The following CWC27 variants were observed in gnomAD, a reference collection of about 807,000 sequenced individuals.
The protein encoded by CWC27 is CWC27 spliceosome associated cyclophilin.
Under a neutral mutation model 63.6 loss-of-function variants are expected in CWC27, and 47 were observed. The observed-to-expected ratio is 0.74, with a 90% confidence interval of 0.58 to 0.94. CWC27 has a LOEUF of 0.94. Among genes scored for constraint, CWC27 ranks in the 40% least tolerant of loss-of-function variants. CWC27 has a pLI of 0.00. For missense variants in CWC27, 495 were observed against 554.3 expected, an observed-to-expected ratio of 0.89 and a Z score of 1.07; for synonymous variants, 175 against 179.8, an observed-to-expected ratio of 0.97 and a Z score of 0.22.
chr5:64,969,363 C>G (rs1257104754), intron 11 of CWC27, among the ~76,000 whole-genome samples: 1 of 152,072 alleles, frequency 6.6e-6, no homozygotes, highest in Non-Finnish European at 1.5e-5. Context: ...TACTGATACC[C>G]ATCACAATTT....
intron 10 of CWC27, among the ~76,000 whole-genome samples, chr5:64,852,750 G>A (rs1746166435): frequency 6.6e-6 from 1 of 151,660 alleles, no homozygotes; most frequent in Non-Finnish European, 1.5e-5. Context: ...TGGAATTACA[G>A]GCGTGAGCCA....
chr5:64,897,506 G>A (rs1747406996), intron 11 of CWC27, among the ~76,000 whole-genome samples: 1 of 152,166 alleles, frequency 6.6e-6, no homozygotes, highest in African/African-American at 2.4e-5. Context: ...AACACCGCAT[G>A]TTCTCACTCA....
At position 64,768,942 on chromosome 5, in the gene CWC27, G is replaced by C. The variant is rs1743134184; in HGVS notation, c.-205G>C. 4 of 584,224 alleles carry C rather than the reference G, an allele frequency of 6.8e-6. No homozygotes were observed. The highest frequency in any genetic ancestry group is 1.2e-5 in the Non-Finnish European group (4 of 326,820). The allele number at this position is 584,224 out of a possible 1,614,324, so 36.2% of individuals were successfully genotyped here. On this transcript the variant is annotated 5_prime_UTR_variant, in exon 1 of 14. Coordinates refer to ENST00000381070, the MANE Select transcript of CWC27 (RefSeq NM_005869.4). ...CCTTCTCAGGGTTAGCGGTGCTCGG[G>C]TCCGGTAACAACATGGCGGCGTCCG...
At chr5:64,806,833 A>C (rs1744693080) in intron 10 of CWC27, among the ~76,000 whole-genome samples, 1 of 152,196 alleles carries the variant, frequency 6.6e-6, no homozygotes, top group Non-Finnish European at 1.5e-5. Context: ...GTCTCTAAAA[A>C]AATAAAAATA....
chr5:64,908,010 C>T (rs1052847349), intron 11 of CWC27, among the ~76,000 whole-genome samples: 5 of 152,160 alleles, frequency 3.3e-5, no homozygotes, highest in African/African-American at 9.7e-5. Context: ...CCTGCTTTCT[C>T]TTGTGGGCAT....
At chr5:64,806,577 TAG>T (rs1744680630) in intron 10 of CWC27, among the ~76,000 whole-genome samples, 1 of 152,214 alleles carries the variant, frequency 6.6e-6, no homozygotes, top group South Asian at 2.1e-4. Flanking sequence ...AAGGTCAGGA[TAG>T]AGGAGAAAGT....
At chr5:64,945,505 A>G (rs564788437) in intron 11 of CWC27, among the ~76,000 whole-genome samples, 2 of 152,302 alleles carry the variant, frequency 1.3e-5, no homozygotes, top group African/African-American at 4.8e-5. Flanking sequence ...AGAAGATAGA[A>G]GAATTATTAC....
chr5:64,970,660 T>C (rs923426162), intron 11 of CWC27, among the ~76,000 whole-genome samples: 1 of 152,226 alleles, frequency 6.6e-6, no homozygotes, highest in Non-Finnish European at 1.5e-5. Context: ...GCTCAGTTTT[T>C]AATGTTTGCA....
chr5:64,926,957 C>A (rs2112397067), intron 11 of CWC27, among the ~76,000 whole-genome samples: 1 of 152,252 alleles, frequency 6.6e-6, no homozygotes, highest in South Asian at 2.1e-4. Context: ...GAATAGAATT[C>A]TTTAAATAGT....
At chr5:64,792,844 T>C (rs1744128878) in intron 7 of CWC27, among the ~76,000 whole-genome samples, 1 of 152,146 alleles carries the variant, frequency 6.6e-6, no homozygotes, top group Non-Finnish European at 1.5e-5. Flanking sequence ...TGAGCTTTGA[T>C]AACTTAGTCT....
intron 13 of CWC27, among the ~76,000 whole-genome samples, chr5:64,978,137 A>G (rs1456889601): frequency 6.6e-6 from 1 of 152,226 alleles, no homozygotes; most frequent in East Asian, 1.9e-4. Context: ...AGATTTGTTG[A>G]GCACTCACAA....
intron 10 of CWC27, among the ~76,000 whole-genome samples, chr5:64,883,936 C>T (rs1045983476): frequency 6.6e-5 from 10 of 152,098 alleles, no homozygotes; most frequent in African/African-American, 2.4e-4. Flanking sequence ...CATTGTATCC[C>T]AAACCTGAGT....
intron 9 of CWC27, 95 bp from the exon 10 acceptor site, chr5:64,804,134 A>T: frequency 9.1e-7 from 1 of 1,096,092 alleles, no homozygotes; most frequent in Non-Finnish European, 1.3e-6. Flanking sequence ...AACCTAGTTT[A>T]GAATGCAATA....
chr5:64,983,430 C>T (rs1409238329), intron 13 of CWC27, among the ~76,000 whole-genome samples: 1 of 152,180 alleles, frequency 6.6e-6, no homozygotes, highest in Non-Finnish European at 1.5e-5. Context: ...TCTTAGTATT[C>T]ATACAAAAAG....
chr5:64,785,395 A>G, intron 4 of CWC27, 86 bp from the exon 5 acceptor site: 1 of 610,134 alleles, frequency 1.6e-6, no homozygotes, highest in Non-Finnish European at 2.6e-6. Flanking sequence ...TCTTTTAATT[A>G]TTTGAAAGAT....
rs1314795594 is a variant in CWC27 at position 64,840,361 on chromosome 5, TTAAAAAAAAAAAAAAA to T, written c.938+35976_938+35991del. ...CTTTGTGTGTTTTTATCCTTTTTCA[TTAAAAAAAAAAAAAAA>T]AAAAAAAAAAAAAAAAAATATATAT... On this transcript the variant is annotated intron_variant, in intron 10 of 13. Coordinates refer to ENST00000381070, the MANE Select transcript of CWC27 (RefSeq NM_005869.4). Among the ~76,000 whole-genome samples, 13 of 35,836 alleles carry T rather than the reference TTAAAAAAAAAAAAAAA, an allele frequency of 3.6e-4. No individual in the cohort carries two copies. The East Asian group carries it at 0.011, about 31-fold the overall frequency. 23.5% of individuals were successfully genotyped at this position (35,836 alleles called of 152,430 possible).
intron 11 of CWC27, among the ~76,000 whole-genome samples, chr5:64,945,786 A>T (rs1748580079): frequency 6.6e-6 from 1 of 152,182 alleles, no homozygotes; most frequent in Admixed American, 6.6e-5. Flanking sequence ...AATACTGTAT[A>T]ATCCTTCATG....
chr5:64,916,271 A>G (rs1197748924), intron 11 of CWC27, among the ~76,000 whole-genome samples: 1 of 152,208 alleles, frequency 6.6e-6, no homozygotes, highest in African/African-American at 2.4e-5. Context: ...GGTGGCAGGT[A>G]GCATTACAGA....
At chr5:64,928,964 C>CT (rs373815261) in intron 11 of CWC27, among the ~76,000 whole-genome samples, 2,574 of 141,724 alleles carry the variant, frequency 0.018, 51 homozygotes, top group African/African-American at 0.052. Flanking sequence ...TAGGCTTTGT[C>CT]TTTTTTTTTT....
Sources: gnomAD v4.1 joint callset for allele counts (sites outside exome capture counted in the v4.1 genomes callset) on GRCh38, gnomAD v4.1.1 for gene constraint, MANE v1.5 for transcripts, NCBI Gene and HGNC (gene_info 2026-07-23, HGNC 2026-07-21) for gene names.